C1orf87: variants seen among roughly 807,000 people sequenced by gnomAD.
C1orf87 encodes the protein uncharacterized protein C1orf87.
In C1orf87, 58 loss-of-function variants were observed where a neutral mutation model predicts 60.5. The ratio of observed to expected loss-of-function variants is 0.96; its 90% CI spans 0.78 to 1.19. The LOEUF (loss-of-function observed/expected upper bound fraction) is 1.19, where lower values mean the gene tolerates loss of function less well. Among genes scored for constraint, C1orf87 ranks in the 50% most tolerant of loss-of-function variants. The probability of loss-of-function intolerance (pLI) is 0.00; values close to 1 mark genes in which losing one functional copy is unlikely to be tolerated. For synonymous variants in C1orf87, 236 were observed against 227.4 expected, an observed-to-expected ratio of 1.04 and a Z score of -0.34; for missense variants, 673 against 638.6, an observed-to-expected ratio of 1.05 and a Z score of -0.58.
intron 9 of C1orf87, among the ~76,000 whole-genome samples, chr1:60,003,970 A>C (rs1277761942): frequency 6.6e-6 from 1 of 152,050 alleles, no homozygotes; most frequent in Non-Finnish European, 1.5e-5. Flanking sequence ...CGGCCTTTTG[A>C]GGCAGATCTT....
chr1:60,011,633 C>G (rs1055992767), intron 8 of C1orf87, among the ~76,000 whole-genome samples: 1 of 152,088 alleles, frequency 6.6e-6, no homozygotes, highest in African/African-American at 2.4e-5. Context: ...CTTTCTCCAT[C>G]TTGTCCATCA....
intron 3 of C1orf87, among the ~76,000 whole-genome samples, chr1:60,044,898 G>T (rs1009406793): frequency 6.6e-6 from 1 of 152,146 alleles, no homozygotes; most frequent in Admixed American, 6.5e-5. Flanking sequence ...AATCCTAGTT[G>T]TGTGATGTTT....
intron 2 of C1orf87, among the ~76,000 whole-genome samples, chr1:60,066,717 T>C (rs1429174334): frequency 6.6e-6 from 1 of 152,034 alleles, no homozygotes. Flanking sequence ...GGGATACATG[T>C]GCAGAATGTG....
At chr1:60,052,304 C>T (rs1450592434) in intron 3 of C1orf87, among the ~76,000 whole-genome samples, 2 of 151,990 alleles carry the variant, frequency 1.3e-5, no homozygotes, top group African/African-American at 2.4e-5. Flanking sequence ...GAAGGCAGAG[C>T]TGATAATTCT....
At chr1:60,011,294 C>T (rs1645082919) in intron 8 of C1orf87, among the ~76,000 whole-genome samples, 1 of 152,024 alleles carries the variant, frequency 6.6e-6, no homozygotes. Flanking sequence ...ATATGCTCTT[C>T]TCTGGGGTGA....
At chr1:60,067,716 C>A (rs1645557952) in intron 2 of C1orf87, among the ~76,000 whole-genome samples, 1 of 151,896 alleles carries the variant, frequency 6.6e-6, no homozygotes, top group East Asian at 1.9e-4. Flanking sequence ...TGCAGAAGTT[C>A]TTTAATTTAA....
chr1:59,997,264 T>C (rs879589253), intron 11 of C1orf87, among the ~76,000 whole-genome samples: 1 of 152,108 alleles, frequency 6.6e-6, no homozygotes, highest in Non-Finnish European at 1.5e-5. Flanking sequence ...GCCAGGTGGA[T>C]AGGGACCAGA....
chr1:59,991,982 G>T (rs1249819026), intron 11 of C1orf87, among the ~76,000 whole-genome samples: 2 of 152,066 alleles, frequency 1.3e-5, no homozygotes, highest in Admixed American at 6.6e-5. Context: ...GGGGAGAGAA[G>T]TTATTCAGAA....
At chr1:60,016,520 G>A (rs1405264357) in intron 8 of C1orf87, among the ~76,000 whole-genome samples, 1 of 152,122 alleles carries the variant, frequency 6.6e-6, no homozygotes, top group Non-Finnish European at 1.5e-5. Flanking sequence ...CCCTGATATA[G>A]AGGCAATAAA....
At chr1:60,032,885 GTGA>G (rs1242831023) in intron 7 of C1orf87, among the ~76,000 whole-genome samples, 1 of 152,222 alleles carries the variant, frequency 6.6e-6, no homozygotes, top group Non-Finnish European at 1.5e-5. Flanking sequence ...TAAAAGTGTA[GTGA>G]TGATGAGGTG....
chr1:60,006,244 G>A (rs866527452), intron 9 of C1orf87, among the ~76,000 whole-genome samples: 1 of 152,050 alleles, frequency 6.6e-6, no homozygotes, highest in Non-Finnish European at 1.5e-5. Flanking sequence ...ATATCAGAGA[G>A]CCAGAAAGAA....
Position 60,007,175 on chromosome 1 carries a change from G to A in C1orf87, c.1192+3217C>T, listed in dbSNP as rs12569298. ...GATCCTCCCACTTAGGCCTCTCAAAGTGTTAGGACTATGGGTGTGAGCCAC... is the reference window on the plus strand; with the variant it reads ...GATCCTCCCACTTAGGCCTCTCAAAATGTTAGGACTATGGGTGTGAGCCAC... On this transcript the variant is annotated intron_variant, in intron 9 of 11. Coordinates refer to ENST00000371201, the MANE Select transcript of C1orf87 (RefSeq NM_152377.3). 2.0e-4 allele frequency among the ~76,000 whole-genome samples: 31 copies of A among 152,126 alleles called. 1 individual carries two copies. The East Asian group carries it at 4.7e-3, about 23-fold the overall frequency.
chr1:60,057,152 G>C (rs914061592), intron 2 of C1orf87, among the ~76,000 whole-genome samples: 1 of 152,166 alleles, frequency 6.6e-6, no homozygotes, highest in Admixed American at 6.5e-5. Flanking sequence ...CTAGAAGGAA[G>C]ACTTCGTAGA....
chr1:60,059,674 C>T (rs1645481515), intron 2 of C1orf87, among the ~76,000 whole-genome samples: 1 of 152,106 alleles, frequency 6.6e-6, no homozygotes, highest in South Asian at 2.1e-4. Flanking sequence ...GGATTACACC[C>T]CTGCCGAGAA....
intron 2 of C1orf87, 56 bp downstream of exon 2, chr1:60,072,481 C>A: frequency 7.3e-7 from 1 of 1,371,200 alleles, no homozygotes; most frequent in Admixed American, 2.1e-5. Context: ...GAAAACAAAA[C>A]AATAAAACTT....
intron 7 of C1orf87, among the ~76,000 whole-genome samples, chr1:60,029,339 C>A (rs1645220667): frequency 6.6e-6 from 1 of 152,102 alleles, no homozygotes; most frequent in Non-Finnish European, 1.5e-5. Flanking sequence ...GTCTCTCTGC[C>A]CCTAATTTTG....
rs12041782 is a variant in C1orf87 at position 60,018,596 on chromosome 1, C to G, written c.1127+6805G>C. Among the ~76,000 whole-genome samples the G allele has an allele frequency of 3.3e-5, 5 of 152,172 alleles. No individual in the cohort carries two copies. In the East Asian group the frequency reaches 9.7e-4, roughly 29 times the overall value. On this transcript the variant is annotated intron_variant, in intron 8 of 11. Transcript: ENST00000371201. ...GAGCTTTGATACTTGCTTTTTCTTC[C>G]TTTAGATTGGTGCCTTTTTGGTAGT...
chr1:59,999,237 T>C lies in C1orf87; in HGVS notation c.1273-1421A>G, dbSNP rs150356149. 1.2e-3 allele frequency among the ~76,000 whole-genome samples: 181 copies of C among 152,292 alleles called. 1 individual carries two copies. Among genetic ancestry groups the C allele is most frequent in the African/African-American group, 4.0e-3 (168 of 41,570 alleles). On this transcript the variant is annotated intron_variant, in intron 10 of 11. Coordinates refer to ENST00000371201, the MANE Select transcript of C1orf87 (RefSeq NM_152377.3). ...TTGTTTGAGATCATGGAATGCTATA[T>C]GAAATTGTACCCACATGGATGACAA...
rs113042896 is a variant in C1orf87 at position 59,993,231 on chromosome 1, A to AATAAATAC, written c.1481-2406_1481-2399dup. The stretch of plus-strand genomic sequence containing the variant: ...GTGAGGCCCCTGTCTTAAATAAATA[A>AATAAATAC]ATAAATACATAAATACATAAATACA... On this transcript the variant is annotated intron_variant, in intron 11 of 11. Transcript: ENST00000371201. Among the ~76,000 whole-genome samples the AATAAATAC allele has an allele frequency of 2.2e-4, 34 of 152,026 alleles. No homozygotes were observed. The South Asian group carries it at 2.9e-3, about 13-fold the overall frequency.
Sources: allele counts gnomAD v4.1 joint callset (sites outside exome capture counted in the v4.1 genomes callset), GRCh38; gene constraint gnomAD v4.1.1; transcripts MANE v1.5; gene names NCBI Gene and HGNC (gene_info 2026-07-23, HGNC 2026-07-21).